FBXL17: variants seen among roughly 807,000 people sequenced by gnomAD.
FBXL17 encodes F-box/LRR-repeat protein 17.
In FBXL17, 22 loss-of-function variants were observed where a neutral mutation model predicts 66.2. The observed-to-expected ratio is 0.33, with a 90% confidence interval of 0.24 to 0.47. The LOEUF is 0.47. FBXL17 is among the 20% of genes least tolerant of loss of function. The pLI is 1.00. For synonymous variants in FBXL17, 474 were observed against 400.5 expected (o/e 1.18, Z -2.19); for missense variants, 878 against 948.2 (o/e 0.93, Z 0.97).
chr5:108,107,811 C>CAAAAAAAAAAAAAA (rs143806373), intron 6 of FBXL17, among the ~76,000 whole-genome samples: 5 of 120,738 alleles, frequency 4.1e-5, no homozygotes, highest in South Asian at 3.1e-4. Context: ...GACTCTGTCT[C>CAAAAAAAAAAAAAA]AAAAAAAAAA....
chr5:108,093,969 GTC>G (rs1269928063), intron 6 of FBXL17, among the ~76,000 whole-genome samples: 1 of 152,070 alleles, frequency 6.6e-6, no homozygotes, highest in Admixed American at 6.6e-5. Context: ...AATTTTAGAC[GTC>G]TGTATTCACT....
intron 6 of FBXL17, among the ~76,000 whole-genome samples, chr5:108,097,730 A>C (rs1749434598): frequency 6.6e-6 from 1 of 151,306 alleles, no homozygotes; most frequent in Non-Finnish European, 1.5e-5. Context: ...CGGAAGCTGC[A>C]GTGAGAAAAG....
chr5:107,979,415 C>G (rs1364990302), intron 7 of FBXL17, among the ~76,000 whole-genome samples: 2 of 152,190 alleles, frequency 1.3e-5, no homozygotes, highest in Non-Finnish European at 2.9e-5. Flanking sequence ...TCCATGGTAA[C>G]CACACAAAGT....
intron 5 of FBXL17, among the ~76,000 whole-genome samples, chr5:108,218,016 C>CTTTTTTTTTTTT (rs752575685): frequency 1.2e-4 from 14 of 120,092 alleles, no homozygotes; most frequent in Non-Finnish European, 1.5e-4. Context: ...AATTTTTTTT[C>CTTTTTTTTTTTT]TTTTTTTTTT....
chr5:108,346,135 T>C (rs1747267108), intron 4 of FBXL17, among the ~76,000 whole-genome samples: 1 of 152,156 alleles, frequency 6.6e-6, no homozygotes, highest in Non-Finnish European at 1.5e-5. Context: ...ATTTAAATAT[T>C]TCTCTTTATT....
At chr5:107,969,253 A>T (rs1481037991) in intron 7 of FBXL17, among the ~76,000 whole-genome samples, 1 of 152,108 alleles carries the variant, frequency 6.6e-6, no homozygotes, top group African/African-American at 2.4e-5. Context: ...TCCATACCGC[A>T]TGGGGTACTG....
In FBXL17 at chr5:108,210,623, G is replaced by A. The variant is rs149253264; in HGVS notation, c.1614+13498C>T. Among the ~76,000 whole-genome samples, 787 of 152,326 alleles carry A rather than the reference G, an allele frequency of 5.2e-3. 8 individuals carry two copies. Among genetic ancestry groups the A allele is most frequent in the African/African-American group, 0.018 (745 of 41,568 alleles). On this transcript the variant is annotated intron_variant, in intron 5 of 8. Coordinates refer to ENST00000542267, the MANE Select transcript of FBXL17 (RefSeq NM_001163315.3). ...AGTTTCCATGTAGTTGTGCGGTTTT[G>A]AGTGAGTCTCTTAATCGTGAGTTCT...
intron 4 of FBXL17, among the ~76,000 whole-genome samples, chr5:108,271,271 A>G (rs1297248463): frequency 6.6e-6 from 1 of 152,108 alleles, no homozygotes; most frequent in Non-Finnish European, 1.5e-5. Context: ...CTTCTCTATT[A>G]ATCCAACAAA....
intron 6 of FBXL17, among the ~76,000 whole-genome samples, chr5:108,120,087 C>T (rs977216028): frequency 6.6e-6 from 1 of 152,138 alleles, no homozygotes; most frequent in Non-Finnish European, 1.5e-5. Flanking sequence ...CTAGGTGAAA[C>T]GAAACTGGCT....
intron 7 of FBXL17, among the ~76,000 whole-genome samples, chr5:107,983,436 C>T (rs1247022496): frequency 6.6e-6 from 1 of 151,906 alleles, no homozygotes; most frequent in Non-Finnish European, 1.5e-5. Flanking sequence ...TCAAGTGATC[C>T]TCCCATCTCA....
intron 6 of FBXL17, among the ~76,000 whole-genome samples, chr5:108,139,844 A>G (rs1403803908): frequency 1.3e-5 from 2 of 152,068 alleles, no homozygotes; most frequent in Non-Finnish European, 2.9e-5. Context: ...CTACTTACTT[A>G]CTAGTGATTC....
chr5:108,181,557 C>T (rs531928679), intron 6 of FBXL17, among the ~76,000 whole-genome samples: 1 of 152,248 alleles, frequency 6.6e-6, no homozygotes, highest in African/African-American at 2.4e-5. Context: ...TCAATTACTA[C>T]ATATTTTACA....
At chr5:108,268,617 G>C (rs1444814967) in intron 4 of FBXL17, among the ~76,000 whole-genome samples, 1 of 149,108 alleles carries the variant, frequency 6.7e-6, no homozygotes, top group Non-Finnish European at 1.5e-5. Flanking sequence ...TAAAAAGGTA[G>C]AATTCAAACT....
chr5:108,381,079 G>C lies in FBXL17; in HGVS notation c.613C>G (p.Pro205Ala), dbSNP rs1373053814. 1 of 1,248,904 alleles carries C rather than the reference G, an allele frequency of 8.0e-7. No homozygotes were observed. The highest frequency in any genetic ancestry group is 1.6e-5 in the African/African-American group (1 of 64,004). The allele number at this position is 1,248,904 out of a possible 1,614,324, so 77.4% of individuals were successfully genotyped here. ...MVCKRKGAGV[P>A]ACTPCKQPRC... ...GGCTGCTTGCAGGGGGTGCAGGCGG[G>C]GACCCCGGCCCCCTTCCGCTTGCAC... is the stretch of plus-strand genomic sequence containing the variant. Residue 205 changes from proline (P) to alanine (A), a missense_variant, in exon 1 of 9, where the codon CCC becomes GCC. By Grantham distance (27) the Pro-to-Ala change is conservative. Transcript: ENST00000542267.
intron 6 of FBXL17, 143 bp from the exon 7 acceptor site, chr5:108,021,144 TAAAG>T: frequency 1.8e-6 from 1 of 560,712 alleles, no homozygotes; most frequent in South Asian, 2.7e-5. Context: ...TTCCCTGCTT[TAAAG>T]TCAAGTGCTG....
chr5:107,912,862 A>G (rs1326585418), intron 7 of FBXL17, among the ~76,000 whole-genome samples: 1 of 152,122 alleles, frequency 6.6e-6, no homozygotes, highest in East Asian at 1.9e-4. Flanking sequence ...CTGGGTTCAA[A>G]TTTTAGCTCT....
chr5:107,895,306 T>C (rs887962635), intron 7 of FBXL17, among the ~76,000 whole-genome samples: 2 of 152,074 alleles, frequency 1.3e-5, no homozygotes, highest in Non-Finnish European at 2.9e-5. Context: ...CATGGCTAAA[T>C]AGTAAATTTT....
chr5:108,246,858 T>C (rs544571073), intron 4 of FBXL17, among the ~76,000 whole-genome samples: 4 of 152,350 alleles, frequency 2.6e-5, no homozygotes, highest in Admixed American at 6.5e-5. Context: ...AAGAAAAGCA[T>C]ATATTTGCTC....
chr5:107,952,362 C>T (rs183003903), intron 7 of FBXL17, among the ~76,000 whole-genome samples: 44 of 152,160 alleles, frequency 2.9e-4, no homozygotes, highest in Non-Finnish European at 4.7e-4. Context: ...ACATCTGCCT[C>T]CACTATAACT....
Sources: gnomAD v4.1 joint callset for allele counts (sites outside exome capture counted in the v4.1 genomes callset) on GRCh38, gnomAD v4.1.1 for gene constraint, MANE v1.5 for transcripts, NCBI Gene and HGNC (gene_info 2026-07-23, HGNC 2026-07-21) for gene names.